The following COLEC12 variants were observed in gnomAD, a reference collection of about 807,000 sequenced individuals.
The protein encoded by COLEC12 is collectin-12.
A neutral mutation model predicts 71.1 loss-of-function variants in COLEC12; 33 were observed. The observed-to-expected ratio is 0.46, with a 90% CI of 0.35 to 0.62. COLEC12 has a LOEUF of 0.62. COLEC12 is among the 20% of genes least tolerant of loss of function. The probability of loss-of-function intolerance (pLI) is 0.00; values close to 1 mark genes in which losing one functional copy is unlikely to be tolerated. For missense variants in COLEC12, 765 were observed against 916.1 expected (o/e 0.84, Z 2.13); for synonymous variants, 350 against 353.0 (o/e 0.99, Z 0.10).
rs1913589236 is a variant in COLEC12 at position 318,049 on chromosome 18, T to A, written c.*1996A>T. On this transcript the variant is annotated 3_prime_UTR_variant, in exon 10 of 10. Transcript: ENST00000400256. ...TGGAGTGCAGTGGCGCGATCTCGGC[T>A]CACTGCAAGCTCCGCTTCCTGGGTT... 6.7e-6 allele frequency: 1 copy of A among 149,292 alleles called. No individual in the cohort carries two copies. The allele number at this position is 149,292 out of a possible 1,614,324, so 9.2% of individuals were successfully genotyped here.
chr18:423,260 T>A (rs1916133958), intron 2 of COLEC12, among the ~76,000 whole-genome samples: 1 of 152,038 alleles, frequency 6.6e-6, no homozygotes, highest in South Asian at 2.1e-4. Flanking sequence ...GAGAGTGAGA[T>A]CCTATCTCAA....
intron 6 of COLEC12, chr18:334,137 T>C (rs1914048747): frequency 6.6e-6 from 1 of 152,406 alleles, no homozygotes; most frequent in Non-Finnish European, 1.5e-5. Context: ...TGAGCTATGT[T>C]TGCACTACTT....
intron 1 of COLEC12, among the ~76,000 whole-genome samples, chr18:498,451 C>G (rs1598384277): frequency 6.6e-6 from 1 of 151,356 alleles, no homozygotes; most frequent in Non-Finnish European, 1.5e-5. Context: ...CCTCCATCTC[C>G]TGGGTTCAAG....
At chr18:320,690 C>A (rs1025626493) in intron 9 of COLEC12, among the ~76,000 whole-genome samples, 1 of 152,196 alleles carries the variant, frequency 6.6e-6, no homozygotes, top group Non-Finnish European at 1.5e-5. Flanking sequence ...CCAATCTAAT[C>A]TAATTTTAGA....
chr18:324,674 C>G (rs1439703094), intron 8 of COLEC12, among the ~76,000 whole-genome samples: 1 of 144,956 alleles, frequency 6.9e-6, no homozygotes. Flanking sequence ...ACTAAAAATA[C>G]AAAAATTAGC....
intron 2 of COLEC12, among the ~76,000 whole-genome samples, chr18:409,974 T>C (rs1015454710): frequency 4.6e-5 from 7 of 152,218 alleles, no homozygotes; most frequent in Non-Finnish European, 8.8e-5. Flanking sequence ...ACCTAGATCT[T>C]CTAATTACTA....
intron 2 of COLEC12, among the ~76,000 whole-genome samples, chr18:375,589 C>A (rs1915096492): frequency 6.6e-6 from 1 of 152,206 alleles, no homozygotes; most frequent in South Asian, 2.1e-4. Flanking sequence ...CCTCAAACTC[C>A]TGGGCTCAAG....
rs138636037 is a variant in COLEC12 at position 321,100 on chromosome 18, G to A, written c.2209+562C>T. Among the ~76,000 whole-genome samples, 326 of 152,332 alleles carry A rather than the reference G, an allele frequency of 2.1e-3. 1 individual carries two copies. Among genetic ancestry groups the A allele is most frequent in the Non-Finnish European group, 3.7e-3 (254 of 68,034 alleles). On this transcript the variant is annotated intron_variant, in intron 9 of 9. Coordinates refer to ENST00000400256, the MANE Select transcript of COLEC12 (RefSeq NM_130386.3). ...ATGGAGTTTCGCTGTTGTTTCCCAGGCTGGAGTGCAATGGTGCGATCTCGG... is the reference window on the plus strand; with the variant it reads ...ATGGAGTTTCGCTGTTGTTTCCCAGACTGGAGTGCAATGGTGCGATCTCGG...
chr18:382,579 T>A (rs1915256041), intron 2 of COLEC12, among the ~76,000 whole-genome samples: 1 of 152,190 alleles, frequency 6.6e-6, no homozygotes, highest in Admixed American at 6.5e-5. Context: ...AGGCTCAAGT[T>A]TCTATCTGGA....
chr18:402,637 G>A (rs922154713), intron 2 of COLEC12, among the ~76,000 whole-genome samples: 7 of 152,170 alleles, frequency 4.6e-5, no homozygotes, highest in African/African-American at 1.4e-4. Context: ...CTTGTGAAGT[G>A]TTTCACCTTC....
At chr18:406,941 C>T (rs56132592) in intron 2 of COLEC12, among the ~76,000 whole-genome samples, 35,947 of 152,256 alleles carry the variant, frequency 0.24, 5,341 homozygotes, top group South Asian at 0.47. Context: ...TAGGCAGCTT[C>T]ACTCCCTAGG....
In COLEC12 at chr18:412,603, T is replaced by C. The variant is rs531238948; in HGVS notation, c.59-55081A>G. The stretch of plus-strand genomic sequence containing the variant: ...TCCTCTTGAGTTTTCTAAATTATGC[T>C]TGATGATAAGGCAAAAATTATAAAA... On this transcript the variant is annotated intron_variant, in intron 2 of 9. Coordinates refer to ENST00000400256, the MANE Select transcript of COLEC12 (RefSeq NM_130386.3). Among the ~76,000 whole-genome samples, 16 of 151,480 alleles carry C rather than the reference T, an allele frequency of 1.1e-4. No homozygotes were observed. The South Asian group carries it at 3.4e-3, about 32-fold the overall frequency.
At chr18:385,316 A>ATTT (rs139537913) in intron 2 of COLEC12, among the ~76,000 whole-genome samples, 1 of 119,242 alleles carries the variant, frequency 8.4e-6, no homozygotes, top group African/African-American at 3.4e-5. Flanking sequence ...TTAAAATGGG[A>ATTT]TTTTTTTTTT....
intron 2 of COLEC12, among the ~76,000 whole-genome samples, chr18:457,358 G>A (rs952307049): frequency 1.3e-5 from 2 of 152,210 alleles, no homozygotes; most frequent in Admixed American, 6.5e-5. Context: ...ACAGGAAACA[G>A]ATCAGCACAC....
chr18:320,208 T>G (rs1010319646), intron 9 of COLEC12, 144 bp from the exon 10 acceptor site: 2 of 553,544 alleles, frequency 3.6e-6, no homozygotes, highest in African/African-American at 4.0e-5. Flanking sequence ...AAGAAATGTC[T>G]AGAAGATCTT....
At chr18:323,434 T>C (rs1913763340) in intron 8 of COLEC12, among the ~76,000 whole-genome samples, 1 of 152,172 alleles carries the variant, frequency 6.6e-6, no homozygotes, top group South Asian at 2.1e-4. Context: ...GATGGCAACA[T>C]AGCAGTGCAG....
chr18:347,415 A>G (rs954436172), intron 4 of COLEC12, 74 bp from the exon 5 acceptor site: 34 of 1,260,330 alleles, frequency 2.7e-5, no homozygotes, highest in Non-Finnish European at 3.1e-5. Context: ...GATCCCGAAC[A>G]CACTTAATCG....
chr18:392,087 A>G (rs539363813), intron 2 of COLEC12, among the ~76,000 whole-genome samples: 2 of 152,344 alleles, frequency 1.3e-5, no homozygotes, highest in Admixed American at 6.5e-5. Context: ...TCCAGGAACC[A>G]GACTGTGCCT....
intron 2 of COLEC12, among the ~76,000 whole-genome samples, chr18:450,888 A>T (rs1332391239): frequency 6.6e-6 from 1 of 150,748 alleles, no homozygotes; most frequent in Non-Finnish European, 1.5e-5. Flanking sequence ...GCAAATAAGG[A>T]ATTTATTGGG....
Sources: allele counts gnomAD v4.1 joint callset (sites outside exome capture counted in the v4.1 genomes callset), GRCh38; gene constraint gnomAD v4.1.1; transcripts MANE v1.5; gene names NCBI Gene and HGNC (gene_info 2026-07-23, HGNC 2026-07-21).